ATP6V1C1: variants seen among roughly 807,000 people sequenced by gnomAD.
ATP6V1C1 encodes V-type proton ATPase subunit C 1.
In ATP6V1C1, 45 loss-of-function variants were observed where a neutral mutation model predicts 53.9. That is an observed-to-expected ratio of 0.83 (90% confidence interval 0.66 to 1.07). ATP6V1C1 has a LOEUF of 1.07. Among genes scored for constraint, ATP6V1C1 ranks in the 50% least tolerant of loss-of-function variants. ATP6V1C1 has a pLI of 0.00. For synonymous variants in ATP6V1C1, 153 were observed against 155.2 expected, an observed-to-expected ratio of 0.99 and a Z score of 0.11; for missense variants, 315 against 440.3, an observed-to-expected ratio of 0.72 and a Z score of 2.55.
chr8:103,064,649 A>T, intron 10 of ATP6V1C1, 65 bp from the exon 11 acceptor site: 1 of 1,338,044 alleles, frequency 7.5e-7, no homozygotes, highest in African/African-American at 1.5e-5. Flanking sequence ...ACTTAAAAAA[A>T]TATTTGGTCT....
In ATP6V1C1 at chr8:103,060,348, T is replaced by C. The variant is rs78777315; in HGVS notation, c.642-2607T>C. The stretch of plus-strand genomic sequence containing the variant: ...ATATTCATTTGCATATGGGGTTCTG[T>C]CTGGAACGTTCTTCTCTTTTTTGTC... On this transcript the variant is annotated intron_variant, in intron 8 of 12. Transcript: ENST00000518738. Among the ~76,000 whole-genome samples, 172 of 152,334 alleles carry C rather than the reference T, an allele frequency of 1.1e-3. 4 individuals carry two copies. The East Asian group carries it at 0.029, about 26-fold the overall frequency.
chr8:103,050,958 A>G (rs184900460), intron 4 of ATP6V1C1, 92 bp from the exon 5 acceptor site: 13 of 830,824 alleles, frequency 1.6e-5, no homozygotes, highest in East Asian at 2.7e-5. Context: ...GATTTCCTCA[A>G]TGCCAATTTC....
At chr8:103,021,597 C>A (rs1253815364) in intron 1 of ATP6V1C1, among the ~76,000 whole-genome samples, 2 of 140,342 alleles carry the variant, frequency 1.4e-5, no homozygotes, top group African/African-American at 5.4e-5. Flanking sequence ...GAGGTCACAG[C>A]TAGCGCAAGT....
In ATP6V1C1 at chr8:103,051,061, A is replaced by G; in HGVS notation, c.298A>G (p.Thr100Ala). The G allele has an allele frequency of 6.2e-7, 1 of 1,601,090 alleles. No homozygotes were observed. Among genetic ancestry groups the G allele is most frequent in the Non-Finnish European group, 8.5e-7 (1 of 1,169,984 alleles). Residue 100 changes from threonine (T) to alanine (A), a missense_variant, in exon 5 of 13, where the codon ACT becomes GCT. Thr to Ala is a moderately conservative substitution (Grantham distance 58, BLOSUM62 0). Transcript: ENST00000518738. The part of the protein sequence containing the change: ...NLLANGVDLV[T>A]YITRFQWDMA... Reference sequence around the variant, plus strand: ...TTCCCTTATTTCAGTGGACTTGGTTACTTATATAACAAGGTTCCAGTGGGA... The same window carrying G: ...TTCCCTTATTTCAGTGGACTTGGTTGCTTATATAACAAGGTTCCAGTGGGA...
chr8:103,033,582 A>G (rs1226127438), intron 1 of ATP6V1C1, among the ~76,000 whole-genome samples: 1 of 152,230 alleles, frequency 6.6e-6, no homozygotes, highest in Non-Finnish European at 1.5e-5. Context: ...AGATACTAGT[A>G]AAAAGTGCTC....
At chr8:103,039,339 T>C (rs1029734875) in intron 1 of ATP6V1C1, among the ~76,000 whole-genome samples, 1 of 152,328 alleles carries the variant, frequency 6.6e-6, no homozygotes, top group Non-Finnish European at 1.5e-5. Flanking sequence ...GAAGGTAGCA[T>C]TGATTACCTA....
At chr8:103,053,196 T>C (rs552129289) in intron 6 of ATP6V1C1, among the ~76,000 whole-genome samples, 1 of 152,148 alleles carries the variant, frequency 6.6e-6, no homozygotes, top group East Asian at 1.9e-4. Context: ...TATGATGTAA[T>C]AGTTATTCTC....
intron 11 of ATP6V1C1, among the ~76,000 whole-genome samples, chr8:103,066,018 G>A (rs540452899): frequency 1.3e-5 from 2 of 152,184 alleles, no homozygotes; most frequent in East Asian, 3.9e-4. Flanking sequence ...CTCCAGCCTG[G>A]CAACAGTAAG....
chr8:103,041,329 G>T (rs1816997038), intron 2 of ATP6V1C1, among the ~76,000 whole-genome samples: 1 of 152,120 alleles, frequency 6.6e-6, no homozygotes, highest in Non-Finnish European at 1.5e-5. Flanking sequence ...TTCTTACATT[G>T]TAAATGTGTT....
At chr8:103,035,433 T>C (rs1816877432) in intron 1 of ATP6V1C1, among the ~76,000 whole-genome samples, 1 of 152,192 alleles carries the variant, frequency 6.6e-6, no homozygotes, top group South Asian at 2.1e-4. Context: ...GAAGAAGATA[T>C]GATTCTAGCT....
intron 1 of ATP6V1C1, among the ~76,000 whole-genome samples, chr8:103,021,645 CG>C (rs1401879925): frequency 1.5e-3 from 42 of 28,388 alleles, no homozygotes; most frequent in Non-Finnish European, 2.2e-3. Flanking sequence ...GCGCGGGTGT[CG>C]GGGGTCGGGG....
At chr8:103,025,038 TGTG>T (rs573782798) in intron 1 of ATP6V1C1, among the ~76,000 whole-genome samples, 59 of 152,040 alleles carry the variant, frequency 3.9e-4, no homozygotes, top group African/African-American at 1.4e-3. Context: ...ATATCTAAAA[TGTG>T]GGGTGTGTGT....
intron 3 of ATP6V1C1, among the ~76,000 whole-genome samples, chr8:103,044,129 G>C (rs564847526): frequency 6.6e-6 from 1 of 151,292 alleles, no homozygotes; most frequent in Non-Finnish European, 1.5e-5. Context: ...CATGATGCGC[G>C]TGCCTCAGCC....
rs187106079 is a variant in ATP6V1C1 at position 103,040,264 on chromosome 8, A to T, written c.-39-534A>T. Reference sequence around the variant, plus strand: ...ACCTGTCTCTACTAAAAATACAAAAATTAGCTGGGTGTGATGGTGCATGGC... The same window carrying T: ...ACCTGTCTCTACTAAAAATACAAAATTTAGCTGGGTGTGATGGTGCATGGC... On this transcript the variant is annotated intron_variant, in intron 1 of 12. Transcript: ENST00000518738. Among the ~76,000 whole-genome samples, 277 of 152,254 alleles carry T rather than the reference A, an allele frequency of 1.8e-3. 3 individuals carry two copies. The highest frequency in any genetic ancestry group is 6.4e-3 in the African/African-American group (267 of 41,542).
chr8:103,062,410 A>G (rs948925689), intron 8 of ATP6V1C1, among the ~76,000 whole-genome samples: 7 of 151,940 alleles, frequency 4.6e-5, no homozygotes, highest in Admixed American at 6.6e-5. Context: ...AACTCAAGCA[A>G]TCACCCACCT....
chr8:103,029,945 G>C lies in ATP6V1C1; in HGVS notation c.-40+8720G>C, dbSNP rs542526102. ...ACAGGGTTTTACTATGTTGGCCGTGGCTGGTCTTGAACTCCTGAGCTCAAG... is the reference window on the plus strand; with the variant it reads ...ACAGGGTTTTACTATGTTGGCCGTGCCTGGTCTTGAACTCCTGAGCTCAAG... On this transcript the variant is annotated intron_variant, in intron 1 of 12. Coordinates refer to ENST00000518738, the MANE Select transcript of ATP6V1C1 (RefSeq NM_001695.5). Among the ~76,000 whole-genome samples, 4 of 152,200 alleles carry C rather than the reference G, an allele frequency of 2.6e-5. No homozygotes were observed. The East Asian group carries it at 7.7e-4, about 29-fold the overall frequency.
In ATP6V1C1 at chr8:103,070,681, TGA is replaced by T. The variant is rs1817571968; in HGVS notation, c.*1938_*1939del. 6.6e-6 allele frequency: 1 copy of T among 152,248 alleles called. No individual in the cohort carries two copies. Among genetic ancestry groups the T allele is most frequent in the Admixed American group, 6.5e-5 (1 of 15,286 alleles). 9.4% of individuals were successfully genotyped at this position (152,248 alleles called of 1,614,324 possible). ...TATTTAGACTTTACTGTTGTTCTCA[TGA>T]GAGTAGGTACAGACTGCATAAGGTT... is the stretch of plus-strand genomic sequence containing the variant. On this transcript the variant is annotated 3_prime_UTR_variant, in exon 13 of 13. Coordinates refer to ENST00000518738, the MANE Select transcript of ATP6V1C1 (RefSeq NM_001695.5).
At chr8:103,055,122 A>G (rs1296878369) in intron 7 of ATP6V1C1, among the ~76,000 whole-genome samples, 1 of 152,162 alleles carries the variant, frequency 6.6e-6, no homozygotes, top group African/African-American at 2.4e-5. Flanking sequence ...AATTCTGTGT[A>G]TCTGTGCTTT....
Position 103,053,939 on chromosome 8 carries a change from C to T in ATP6V1C1, c.529C>T (p.Leu177Phe). ...AATTGTGAAGAAGGATGACTTTGTT[C>T]TTGATTCAGAGTATCTCGTCACATT... The part of the protein sequence containing the change: ...AEIVKKDDFV[L>F]DSEYLVTLLV... Residue 177 changes from leucine to phenylalanine, a missense_variant, in exon 7 of 13, where the codon CTT becomes TTT. By Grantham distance (22) the Leu-to-Phe change is conservative. Transcript: ENST00000518738. The T allele has an allele frequency of 6.2e-7, 1 of 1,610,378 alleles. No homozygotes were observed. The highest frequency in any genetic ancestry group is 1.1e-5 in the South Asian group (1 of 90,296).
Sources: gnomAD v4.1 joint callset for allele counts (sites outside exome capture counted in the v4.1 genomes callset) on GRCh38, gnomAD v4.1.1 for gene constraint, MANE v1.5 for transcripts, NCBI Gene and HGNC (gene_info 2026-07-23, HGNC 2026-07-21) for gene names.